Variants in DLG2 observed in about 807,000 individuals in gnomAD.
DLG2 encodes the protein disks large homolog 2.
Under a neutral mutation model 132.5 loss-of-function variants are expected in DLG2, and 45 were observed. The ratio of observed to expected loss-of-function variants is 0.34; its 90% confidence interval spans 0.27 to 0.44. The LOEUF is 0.44. Ranked by LOEUF, DLG2 falls within the 20% of genes least tolerant of loss-of-function variation. The pLI, the probability that DLG2 is intolerant of heterozygous loss-of-function variation, is 1.00. For missense variants in DLG2, 1,045 were observed against 1,196.9 expected (o/e 0.87, Z 1.87); for synonymous variants, 424 against 419.6 (o/e 1.01, Z -0.13).
intron 18 of DLG2, among the ~76,000 whole-genome samples, chr11:83,657,457 G>A (rs2072861097): frequency 6.6e-6 from 1 of 151,458 alleles, no homozygotes; most frequent in Admixed American, 6.6e-5. Context: ...TTACTTACTT[G>A]GTAAATGTTA....
intron 7 of DLG2, among the ~76,000 whole-genome samples, chr11:84,474,593 T>A (rs1189809804): frequency 6.6e-6 from 1 of 152,076 alleles, no homozygotes; most frequent in African/African-American, 2.4e-5. Flanking sequence ...ATTCTATACA[T>A]GAGGCAACAG....
At chr11:85,374,310 A>T (rs1412797148) in intron 3 of DLG2, among the ~76,000 whole-genome samples, 1 of 152,226 alleles carries the variant, frequency 6.6e-6, no homozygotes, top group Non-Finnish European at 1.5e-5. Context: ...ATGACATCCC[A>T]GTCACACAAG....
intron 18 of DLG2, among the ~76,000 whole-genome samples, chr11:83,637,856 G>A (rs964414805): frequency 4.6e-5 from 7 of 152,050 alleles, no homozygotes; most frequent in Non-Finnish European, 1.0e-4. Context: ...CTTCTGTATA[G>A]ACAGGACTTT....
In DLG2 at chr11:83,805,356, C is replaced by CAT. The variant is rs530757874; in HGVS notation, c.1723-18566_1723-18565dup. ...TTATTTTGTGCAGGAGAGCTTCTCCCATATATATATATAATTTTTCTCTAT... is the reference window on the plus strand; with the variant it reads ...TTATTTTGTGCAGGAGAGCTTCTCCCATATATATATATATAATTTTTCTCTAT... On this transcript the variant is annotated intron_variant, in intron 17 of 27. Coordinates refer to ENST00000376104, the MANE Select transcript of DLG2 (RefSeq NM_001142699.3). 6.2e-3 allele frequency among the ~76,000 whole-genome samples: 943 copies of CAT among 150,916 alleles called. 9 individuals are homozygous for CAT. The highest frequency in any genetic ancestry group is 0.024 in the Middle Eastern group (7 of 292).
chr11:84,133,155 C>T (rs1344621198), intron 9 of DLG2, among the ~76,000 whole-genome samples: 1 of 151,962 alleles, frequency 6.6e-6, no homozygotes, highest in Non-Finnish European at 1.5e-5. Flanking sequence ...ATACTTTTCC[C>T]TCAAATGTTT....
intron 11 of DLG2, among the ~76,000 whole-genome samples, chr11:84,003,890 C>T (rs893465984): frequency 6.6e-6 from 1 of 152,034 alleles, no homozygotes; most frequent in Non-Finnish European, 1.5e-5. Flanking sequence ...AAGGTTTAGT[C>T]AGGAAGATAC....
intron 6 of DLG2, chr11:84,923,673 G>T: frequency 1.3e-6 from 1 of 764,624 alleles, no homozygotes; most frequent in Non-Finnish European, 1.6e-6. Context: ...ACCCTGTTTG[G>T]CAAATACTAC....
At chr11:83,527,583 T>C (rs182083905) in intron 21 of DLG2, among the ~76,000 whole-genome samples, 1 of 152,094 alleles carries the variant, frequency 6.6e-6, no homozygotes, top group Non-Finnish European at 1.5e-5. Flanking sequence ...ATGTAAACTG[T>C]CTGGGTTTTT....
At chr11:83,960,617 G>A (rs1031769454) in intron 14 of DLG2, among the ~76,000 whole-genome samples, 4 of 150,016 alleles carry the variant, frequency 2.7e-5, no homozygotes, top group African/African-American at 1.0e-4. Flanking sequence ...CAGGCATTGG[G>A]GAATCCATTG....
chr11:84,989,601 T>G (rs117386495), intron 6 of DLG2, among the ~76,000 whole-genome samples: 2,995 of 152,326 alleles, frequency 0.02, 53 homozygotes, highest in Admixed American at 0.042. Flanking sequence ...CTTTTTGGCT[T>G]TGTGGATACA....
chr11:84,774,625 G>A (rs11234169), intron 6 of DLG2, among the ~76,000 whole-genome samples: 12 of 151,834 alleles, frequency 7.9e-5, no homozygotes, highest in Non-Finnish European at 1.5e-4. Context: ...GGCCGAGAAC[G>A]CAGAAATAAA....
Position 83,790,613 on chromosome 11 carries a change from G to C in DLG2, c.1723-3821C>G, listed in dbSNP as rs184226277. On this transcript the variant is annotated intron_variant, in intron 17 of 27. Coordinates refer to ENST00000376104, the MANE Select transcript of DLG2 (RefSeq NM_001142699.3). The stretch of plus-strand genomic sequence containing the variant: ...CAGTAAGTCCACTGAAGTTCCTTTG[G>C]ATTTGATTATTTTGCATTGGAGGTA... 8.4e-6 allele frequency: 11 copies of C among 1,308,268 alleles called. No individual in the cohort carries two copies. In the East Asian group the frequency reaches 2.5e-4, roughly 30 times the overall value. The allele number at this position is 1,308,268 out of a possible 1,614,324, so 81.0% of individuals were successfully genotyped here.
At chr11:84,041,565 T>C (rs1266130366) in intron 11 of DLG2, among the ~76,000 whole-genome samples, 2 of 151,988 alleles carry the variant, frequency 1.3e-5, no homozygotes, top group African/African-American at 4.8e-5. Context: ...ATTATATAAA[T>C]GTATGATAAA....
At chr11:84,420,388 A>G (rs1481862029) in intron 7 of DLG2, among the ~76,000 whole-genome samples, 2 of 152,144 alleles carry the variant, frequency 1.3e-5, no homozygotes, top group Non-Finnish European at 2.9e-5. Flanking sequence ...GATATTCCTA[A>G]GGATATTTAC....
chr11:84,581,981 T>C (rs1168998710), intron 6 of DLG2, among the ~76,000 whole-genome samples: 1 of 151,210 alleles, frequency 6.6e-6, no homozygotes, highest in Non-Finnish European at 1.5e-5. Context: ...AACATTGATT[T>C]AGTGTTCATA....
At chr11:83,676,870 A>T (rs1165761074) in intron 18 of DLG2, among the ~76,000 whole-genome samples, 8 of 152,258 alleles carry the variant, frequency 5.3e-5, no homozygotes, top group African/African-American at 1.9e-4. Flanking sequence ...CAAAGATTAA[A>T]ATATTTCATC....
At chr11:84,803,534 G>A (rs930032811) in intron 6 of DLG2, among the ~76,000 whole-genome samples, 3 of 152,180 alleles carry the variant, frequency 2.0e-5, no homozygotes, top group African/African-American at 7.2e-5. Context: ...CACATGGGCA[G>A]GCAGTGATTT....
At chr11:83,710,427 G>A (rs2085136290) in intron 18 of DLG2, among the ~76,000 whole-genome samples, 2 of 152,216 alleles carry the variant, frequency 1.3e-5, no homozygotes, top group South Asian at 4.2e-4. Flanking sequence ...CCTCCCAAAT[G>A]CTGGGATTAT....
intron 9 of DLG2, among the ~76,000 whole-genome samples, chr11:84,106,950 G>GAGAA (rs1347783774): frequency 2.1e-3 from 79 of 37,352 alleles, no homozygotes; most frequent in African/African-American, 6.9e-3. Context: ...GTGTGAGAGA[G>GAGAA]AGAAAGAGAG....
Sources: gnomAD v4.1 joint callset for allele counts (sites outside exome capture counted in the v4.1 genomes callset) on GRCh38, gnomAD v4.1.1 for gene constraint, MANE v1.5 for transcripts, NCBI Gene and HGNC (gene_info 2026-07-23, HGNC 2026-07-21) for gene names.